The following IGF2BP3 variants were observed in gnomAD, a reference collection of about 807,000 sequenced individuals.
The protein encoded by IGF2BP3 is insulin-like growth factor 2 mRNA-binding protein 3.
Under a neutral mutation model 73.8 loss-of-function variants are expected in IGF2BP3, and 9 were observed. That is an observed-to-expected ratio of 0.12 (90% CI 0.07 to 0.21). The LOEUF (loss-of-function observed/expected upper bound fraction) is 0.21. IGF2BP3 is among the 10% of genes least tolerant of loss of function. The pLI is 1.00. For synonymous variants in IGF2BP3, 258 were observed against 256.7 expected (o/e 1.01, Z -0.05); for missense variants, 542 against 714.0 (o/e 0.76, Z 2.75).
intron 12 of IGF2BP3, among the ~76,000 whole-genome samples, chr7:23,315,758 C>T (rs1480230258): frequency 6.6e-6 from 1 of 152,182 alleles, no homozygotes; most frequent in Non-Finnish European, 1.5e-5. Flanking sequence ...AACTGAAGCT[C>T]TTGAATTTGT....
intron 6 of IGF2BP3, among the ~76,000 whole-genome samples, chr7:23,349,286 A>G (rs1784903973): frequency 6.6e-6 from 1 of 152,220 alleles, no homozygotes; most frequent in Non-Finnish European, 1.5e-5. Context: ...CAATAAAATC[A>G]AGATTTGGCT....
rs1354673394 is a variant in IGF2BP3 at position 23,364,562 on chromosome 7, A to AG, written c.286-2822_286-2821insC. The stretch of plus-strand genomic sequence containing the variant: ...GACTTTGTGTCAAAAAAAAAAAAAA[A>AG]AAAAAAAAAGCGGGAGGTTGGGGGG... On this transcript the variant is annotated intron_variant, in intron 3 of 14. Transcript: ENST00000258729. Among the ~76,000 whole-genome samples, 5 of 149,918 alleles carry AG rather than the reference A, an allele frequency of 3.3e-5. No individual in the cohort carries two copies. The East Asian group carries it at 5.8e-4, about 18-fold the overall frequency.
At chr7:23,463,256 C>A (rs182428661) in intron 2 of IGF2BP3, among the ~76,000 whole-genome samples, 1 of 152,322 alleles carries the variant, frequency 6.6e-6, no homozygotes, top group Admixed American at 6.5e-5. Flanking sequence ...ATAATGGAGT[C>A]ACTTCAAATA....
At chr7:23,445,385 T>C (rs1788035450) in intron 2 of IGF2BP3, among the ~76,000 whole-genome samples, 1 of 152,068 alleles carries the variant, frequency 6.6e-6, no homozygotes, top group African/African-American at 2.4e-5. Context: ...TATAGAGTAT[T>C]ATTTAGTATG....
chr7:23,381,880 T>G (rs1785920916), intron 3 of IGF2BP3, among the ~76,000 whole-genome samples: 1 of 149,502 alleles, frequency 6.7e-6, no homozygotes, highest in Non-Finnish European at 1.5e-5. Flanking sequence ...GCCTTAAAAC[T>G]TAATTTTTAA....
intron 10 of IGF2BP3, among the ~76,000 whole-genome samples, chr7:23,321,192 T>TG (rs1195512088): frequency 6.6e-6 from 1 of 152,046 alleles, no homozygotes; most frequent in African/African-American, 2.4e-5. Context: ...TGCCAGACAG[T>TG]GGGCGCAGGT....
chr7:23,370,163 C>T (rs1368215151), intron 3 of IGF2BP3, among the ~76,000 whole-genome samples: 3 of 152,132 alleles, frequency 2.0e-5, no homozygotes, highest in Non-Finnish European at 2.9e-5. Context: ...GGGTAAAGTA[C>T]CTCTCTCGTC....
chr7:23,362,236 A>AC (rs11338864), intron 3 of IGF2BP3, among the ~76,000 whole-genome samples: 93 of 151,816 alleles, frequency 6.1e-4, no homozygotes, highest in South Asian at 1.9e-3. Flanking sequence ...ACATAGTGAG[A>AC]CCCCCCATCT....
At chr7:23,405,950 A>G (rs1233673156) in intron 3 of IGF2BP3, among the ~76,000 whole-genome samples, 3 of 152,104 alleles carry the variant, frequency 2.0e-5, no homozygotes, top group African/African-American at 7.2e-5. Flanking sequence ...ATGATGATGG[A>G]GCAATGGAAA....
chr7:23,347,786 A>AAAG, intron 6 of IGF2BP3, 52 bp from the exon 7 acceptor site: 1 of 1,609,672 alleles, frequency 6.2e-7, no homozygotes, highest in Non-Finnish European at 8.5e-7. Context: ...GCGTGTATTC[A>AAAG]CAGTGGAGTC....
chr7:23,424,954 C>A (rs1263357373), intron 2 of IGF2BP3, among the ~76,000 whole-genome samples: 1 of 152,112 alleles, frequency 6.6e-6, no homozygotes, highest in African/African-American at 2.4e-5. Context: ...TATTCTATAC[C>A]CACACCTGTA....
At chr7:23,425,970 A>C (rs571873742) in intron 2 of IGF2BP3, among the ~76,000 whole-genome samples, 2 of 139,406 alleles carry the variant, frequency 1.4e-5, no homozygotes, top group Admixed American at 7.2e-5. Context: ...TATCTCAAAA[A>C]AAACAAACAA....
At chr7:23,439,247 A>T (rs895467291) in intron 2 of IGF2BP3, among the ~76,000 whole-genome samples, 1 of 151,930 alleles carries the variant, frequency 6.6e-6, no homozygotes, top group Non-Finnish European at 1.5e-5. Context: ...CAAAATAAAA[A>T]ATAAAATAAA....
chr7:23,328,939 GT>G (rs1227190318), intron 10 of IGF2BP3, among the ~76,000 whole-genome samples: 1 of 152,180 alleles, frequency 6.6e-6, no homozygotes, highest in African/African-American at 2.4e-5. Context: ...GCCGGGCGCG[GT>G]GGCTCATGCC....
At position 23,418,792 on chromosome 7, in the gene IGF2BP3, G is replaced by T; in HGVS notation, c.269C>A (p.Pro90His). 6.3e-7 allele frequency: 1 copy of T among 1,583,396 alleles called. No homozygotes were observed. The highest frequency in any genetic ancestry group is 8.6e-7 in the Non-Finnish European group (1 of 1,159,394). ...AATTCTTACCTCCCACTGTAAATGA[G>T]GCGGGATATTTCGTATCTGAAGTTT... is the stretch of plus-strand genomic sequence containing the variant. ...IRKLQIRNIP[P>H]HLQWEVLDSL... Residue 90 changes from proline (P) to histidine (H), a missense_variant, in exon 3 of 15, where the codon CCT (proline) becomes CAT (histidine). Physicochemically the swap from Pro to His is moderately conservative, Grantham distance 77 (BLOSUM62 -2). Transcript: ENST00000258729.
At chr7:23,386,649 A>G (rs1786091738) in intron 3 of IGF2BP3, among the ~76,000 whole-genome samples, 1 of 152,266 alleles carries the variant, frequency 6.6e-6, no homozygotes, top group Non-Finnish European at 1.5e-5. Context: ...TAATTTATGT[A>G]GACGGTCCAC....
At chr7:23,340,300 G>A (rs773513367) in intron 10 of IGF2BP3, among the ~76,000 whole-genome samples, 60 of 152,152 alleles carry the variant, frequency 3.9e-4, no homozygotes, top group Non-Finnish European at 7.8e-4. Context: ...AGAAACGGCA[G>A]GTGAATTGCA....
At chr7:23,321,113 G>C (rs565418469) in intron 10 of IGF2BP3, among the ~76,000 whole-genome samples, 5 of 149,178 alleles carry the variant, frequency 3.4e-5, no homozygotes. Flanking sequence ...AGCTCCCAGC[G>C]TGAGCGATGC....
chr7:23,385,639 T>C (rs950541104), intron 3 of IGF2BP3, among the ~76,000 whole-genome samples: 5 of 152,024 alleles, frequency 3.3e-5, no homozygotes, highest in Non-Finnish European at 7.4e-5. Context: ...AAAAAAGGAA[T>C]GGGAACCTAA....
Sources: allele counts gnomAD v4.1 joint callset (sites outside exome capture counted in the v4.1 genomes callset), GRCh38; gene constraint gnomAD v4.1.1; transcripts MANE v1.5; gene names NCBI Gene and HGNC (gene_info 2026-07-23, HGNC 2026-07-21).